Variants in ZC3H11A observed in about 807,000 individuals in gnomAD.
ZC3H11A encodes zinc finger CCCH-type containing 11A, also known as zinc finger CCCH domain-containing protein 11A.
In ZC3H11A, 22 loss-of-function variants were observed where a neutral mutation model predicts 90.8. The ratio of observed to expected loss-of-function variants is 0.24; its 90% confidence interval spans 0.17 to 0.35. The LOEUF is 0.35. Ranked by LOEUF, ZC3H11A falls within the 10% of genes least tolerant of loss-of-function variation. ZC3H11A has a pLI of 1.00. For missense variants in ZC3H11A, 701 were observed against 964.9 expected (o/e 0.73, Z 3.62); for synonymous variants, 294 against 339.8 (o/e 0.87, Z 1.48).
At chr1:203,848,972 C>T (rs978148033) in intron 14 of ZC3H11A, among the ~76,000 whole-genome samples, 6 of 152,228 alleles carry the variant, frequency 3.9e-5, no homozygotes, top group Admixed American at 3.9e-4. Context: ...GCAACCTTTG[C>T]CTCCTGGGTT....
At chr1:203,850,473 GTC>G (rs759594723) in intron 15 of ZC3H11A, 40 bp from the exon 16 acceptor site, 22 of 1,609,468 alleles carry the variant, frequency 1.4e-5, no homozygotes, top group Admixed American at 3.3e-5. Context: ...ATTTAAAAGA[GTC>G]TATTCTCACT....
intron 10 of ZC3H11A, among the ~76,000 whole-genome samples, chr1:203,836,857 T>C (rs1233317227): frequency 2.0e-5 from 3 of 152,246 alleles, no homozygotes; most frequent in Non-Finnish European, 2.9e-5. Flanking sequence ...AGATACAGAA[T>C]ATTTCAGAAC....
Position 203,851,336 on chromosome 1 carries a change from G to GT in ZC3H11A, c.2174+219dup, listed in dbSNP as rs1689207562. Among the ~76,000 whole-genome samples, 5 of 151,982 alleles carry GT rather than the reference G, an allele frequency of 3.3e-5. No homozygotes were observed. The South Asian group carries it at 1.0e-3, about 32-fold the overall frequency. On this transcript the variant is annotated intron_variant, in intron 17 of 17. Coordinates refer to ENST00000367210, the MANE Select transcript of ZC3H11A (RefSeq NM_001376342.1). ...TATATTACCTAAAAGATGTTTTTTT[G>GT]TTTTTTTGTTTGAGGCAGCGTCTCA...
intron 11 of ZC3H11A, 86 bp from the exon 12 acceptor site, chr1:203,840,220 T>C: frequency 7.5e-7 from 1 of 1,341,280 alleles, no homozygotes; most frequent in Non-Finnish European, 1.1e-6. Context: ...ATTACAGGTG[T>C]ATGCCACCAT....
chr1:203,831,514 A>T, intron 8 of ZC3H11A, 147 bp from the exon 9 acceptor site: 1 of 636,720 alleles, frequency 1.6e-6, no homozygotes, highest in Non-Finnish European at 2.8e-6. Context: ...ATTTGACTGT[A>T]GGCAAACAGA....
chr1:203,845,754 A>G (rs1367469348), intron 12 of ZC3H11A, among the ~76,000 whole-genome samples: 1 of 152,080 alleles, frequency 6.6e-6, no homozygotes, highest in African/African-American at 2.4e-5. Flanking sequence ...AGGCCCAGCT[A>G]CTTGGGAGGC....
intron 4 of ZC3H11A, among the ~76,000 whole-genome samples, chr1:203,825,428 A>ATTTTTTTTTTT (rs59157538): frequency 1.2e-5 from 1 of 81,624 alleles, no homozygotes; most frequent in Non-Finnish European, 2.3e-5. Flanking sequence ...ACTGTGGAGG[A>ATTTTTTTTTTT]TTTTTTTTTT....
chr1:203,851,156 C>A (rs148897312), intron 17 of ZC3H11A, 32 bp downstream of exon 17: 1 of 1,603,566 alleles, frequency 6.2e-7, no homozygotes, highest in African/African-American at 1.3e-5. Flanking sequence ...TAAACAAACT[C>A]CAGGCCCCTG....
rs1253161141 is a variant in ZC3H11A at position 203,802,907 on chromosome 1, T to C, written c.-255T>C. 6.6e-6 allele frequency: 1 copy of C among 152,552 alleles called. No homozygotes were observed. The highest frequency in any genetic ancestry group is 1.5e-5 in the Non-Finnish European group (1 of 68,016). The allele number at this position is 152,552 out of a possible 1,614,324, so 9.4% of individuals were successfully genotyped here. A position where few individuals can be genotyped will look rare whatever the true frequency, so the allele number is the denominator to read the frequency against. ...TGGCAATGTGAGGAGGAAATTTTTT[T>C]CTGCCTCATTATTATTAATTCATGG... On this transcript the variant is annotated 5_prime_UTR_variant, in exon 2 of 18. Coordinates refer to ENST00000367210, the MANE Select transcript of ZC3H11A (RefSeq NM_001376342.1).
chr1:203,808,799 C>T (rs1322980721), intron 2 of ZC3H11A, among the ~76,000 whole-genome samples: 5 of 151,994 alleles, frequency 3.3e-5, no homozygotes, highest in African/African-American at 1.2e-4. Flanking sequence ...TCGCCATCTT[C>T]TTCTTTTTTT....
At chr1:203,811,796 A>G (rs1445045462) in intron 2 of ZC3H11A, among the ~76,000 whole-genome samples, 1 of 151,440 alleles carries the variant, frequency 6.6e-6, no homozygotes, top group Admixed American at 6.6e-5. Context: ...TATGTCTGAA[A>G]AGTATTCAGA....
chr1:203,820,535 T>C (rs1572094297), intron 4 of ZC3H11A, among the ~76,000 whole-genome samples: 1 of 150,742 alleles, frequency 6.6e-6, no homozygotes, highest in East Asian at 1.9e-4. Flanking sequence ...TGGAGTGCAG[T>C]GGTGGGATCT....
intron 12 of ZC3H11A, among the ~76,000 whole-genome samples, chr1:203,842,192 C>T (rs1271039132): frequency 4.0e-5 from 6 of 151,290 alleles, no homozygotes; most frequent in Admixed American, 6.6e-5. Context: ...ACTTCCCAGA[C>T]GGGGTGGCGG....
rs1167861001 is a variant in ZC3H11A, at chr1:203,847,218, G to A, written c.1077G>A (p.Lys359=). Reference sequence around the variant, plus strand: ...ATAAAGTTGGTGAGATCCATGTGAAGACATTAGAAGAAATTCTTCTTGAAA... The same window carrying A: ...ATAAAGTTGGTGAGATCCATGTGAAAACATTAGAAGAAATTCTTCTTGAAA... ...KVNKVGEIHV[K]TLEEILLERA... Residue 359 remains lysine, a synonymous_variant, in exon 13 of 18, where the codon AAG becomes AAA. Transcript: ENST00000367210. The A allele has an allele frequency of 6.2e-7, 1 of 1,613,666 alleles. No homozygotes were observed. The highest frequency in any genetic ancestry group is 1.7e-5 in the Admixed American group (1 of 59,956).
chr1:203,822,969 A>G (rs1053585017), intron 4 of ZC3H11A, among the ~76,000 whole-genome samples: 1 of 152,182 alleles, frequency 6.6e-6, no homozygotes, highest in African/African-American at 2.4e-5. Context: ...CTGGTTTTGT[A>G]TTTCTTGTCT....
intron 1 of ZC3H11A, chr1:203,799,913 A>C: frequency 6.5e-7 from 1 of 1,536,132 alleles, no homozygotes; most frequent in South Asian, 1.2e-5. Context: ...TCCTTGCAGA[A>C]GAGGTCTGTA....
At chr1:203,821,196 G>A (rs1678549867) in intron 4 of ZC3H11A, among the ~76,000 whole-genome samples, 1 of 152,024 alleles carries the variant, frequency 6.6e-6, no homozygotes, top group East Asian at 1.9e-4. Context: ...CCCTTTGCTC[G>A]CGCTCTCTTG....
Position 203,852,293 on chromosome 1 carries a change from TA to T in ZC3H11A, c.2329del (p.Ile777TyrfsTer31). 6.2e-7 allele frequency: 1 copy of T among 1,613,636 alleles called. No individual in the cohort carries two copies. Among genetic ancestry groups the T allele is most frequent in the Non-Finnish European group, 8.5e-7 (1 of 1,179,824 alleles). On this transcript the variant is annotated frameshift_variant, in exon 18 of 18. Coordinates refer to ENST00000367210, the MANE Select transcript of ZC3H11A (RefSeq NM_001376342.1). LOFTEE classifies it high-confidence loss of function. ...PLSVEDDFEK[L>X]IWEISGGKLE... is the part of the protein sequence containing the mutation. The stretch of plus-strand genomic sequence containing the variant: ...TCTGTGGAGGATGATTTTGAGAAAC[TA>T]ATATGGGAGATTTCAGGAGGCAAAT...
intron 4 of ZC3H11A, among the ~76,000 whole-genome samples, chr1:203,818,942 G>A (rs1677271439): frequency 6.6e-6 from 1 of 151,588 alleles, no homozygotes; most frequent in Non-Finnish European, 1.5e-5. Context: ...GGTGGCATGT[G>A]CCTGTAATTC....
Sources: allele counts gnomAD v4.1 joint callset (sites outside exome capture counted in the v4.1 genomes callset), GRCh38; gene constraint gnomAD v4.1.1; transcripts MANE v1.5; gene names NCBI Gene and HGNC (gene_info 2026-07-23, HGNC 2026-07-21).